Variants in COMMD1 observed in about 807,000 individuals in gnomAD.
The protein encoded by COMMD1 is copper metabolism domain containing 1, also known as COMM domain-containing protein 1.
Under a neutral mutation model 17.2 loss-of-function variants are expected in COMMD1, and 10 were observed. The ratio of observed to expected loss-of-function variants is 0.58; its 90% confidence interval spans 0.36 to 0.99. The LOEUF (loss-of-function observed/expected upper bound fraction) is 0.99, where lower values mean the gene tolerates loss of function less well. Among genes scored for constraint, COMMD1 ranks in the 50% least tolerant of loss-of-function variants. The pLI, the probability that COMMD1 is intolerant of heterozygous loss-of-function variation, is 0.01. For synonymous variants in COMMD1, 97 were observed against 91.6 expected, an observed-to-expected ratio of 1.06 and a Z score of -0.34; for missense variants, 270 against 231.8, an observed-to-expected ratio of 1.17 and a Z score of -1.07.
intron 2 of COMMD1, among the ~76,000 whole-genome samples, chr2:62,097,081 G>C (rs1344659091): frequency 8.5e-5 from 13 of 152,206 alleles, no homozygotes. Context: ...CAGTAACAGA[G>C]AAGTGGCTGG....
intron 1 of COMMD1, among the ~76,000 whole-genome samples, chr2:61,974,490 T>G (rs1671738365): frequency 6.6e-6 from 1 of 151,802 alleles, no homozygotes; most frequent in African/African-American, 2.4e-5. Context: ...TAGGCAAAGA[T>G]GGTGAAACCC....
At chr2:61,947,617 A>T (rs1670941639) in intron 1 of COMMD1, among the ~76,000 whole-genome samples, 1 of 152,030 alleles carries the variant, frequency 6.6e-6, no homozygotes, top group Non-Finnish European at 1.5e-5. Context: ...CAAGAGGCAG[A>T]GGTTGCAATG....
intron 1 of COMMD1, among the ~76,000 whole-genome samples, chr2:61,952,834 T>G (rs574081123): frequency 1.3e-5 from 2 of 152,202 alleles, no homozygotes; most frequent in South Asian, 4.1e-4. Flanking sequence ...TCAGTTTTCT[T>G]AGGTAAATAC....
chr2:62,031,548 G>T (rs1669907609), intron 2 of COMMD1, among the ~76,000 whole-genome samples: 2 of 152,290 alleles, frequency 1.3e-5, no homozygotes, highest in Admixed American at 1.3e-4. Context: ...AATTAAAATG[G>T]ATTAACTCAT....
intron 2 of COMMD1, among the ~76,000 whole-genome samples, chr2:62,095,392 T>C (rs1172485080): frequency 3.9e-5 from 6 of 152,158 alleles, no homozygotes; most frequent in Admixed American, 6.6e-5. Flanking sequence ...ATTAATAACC[T>C]GAGAAGTCAA....
chr2:62,048,284 G>A (rs1012249556), intron 2 of COMMD1, among the ~76,000 whole-genome samples: 20 of 149,462 alleles, frequency 1.3e-4, no homozygotes, highest in Non-Finnish European at 2.1e-4. Context: ...CTGGGTTCAC[G>A]CCATTCTCCT....
intron 1 of COMMD1, among the ~76,000 whole-genome samples, chr2:61,966,178 T>TC (rs761978006): frequency 6.6e-6 from 1 of 152,176 alleles, no homozygotes; most frequent in Non-Finnish European, 1.5e-5. Context: ...CTCTTTTTTT[T>TC]CCCATTTCCA....
intron 2 of COMMD1, among the ~76,000 whole-genome samples, chr2:62,104,642 AAAAAAAAAAAAAC>A (rs1445471793): frequency 6.6e-6 from 1 of 151,364 alleles, no homozygotes; most frequent in Admixed American, 6.6e-5. Flanking sequence ...TCAAAAAAAA[AAAAAAAAAAAAAC>A]AATAACAACA....
chr2:61,962,593 A>G (rs976893717), intron 1 of COMMD1, among the ~76,000 whole-genome samples: 3 of 152,198 alleles, frequency 2.0e-5, no homozygotes, highest in Admixed American at 6.5e-5. Context: ...CAGTTATTCA[A>G]TCATTCATAC....
At chr2:61,954,294 G>A (rs557766759) in intron 1 of COMMD1, among the ~76,000 whole-genome samples, 96 of 152,182 alleles carry the variant, frequency 6.3e-4, no homozygotes, top group African/African-American at 2.2e-3. Flanking sequence ...TCTGAAATAA[G>A]TTTTTGCTTA....
intron 2 of COMMD1, among the ~76,000 whole-genome samples, chr2:62,027,924 A>G (rs1669809900): frequency 6.6e-6 from 1 of 152,180 alleles, no homozygotes; most frequent in African/African-American, 2.4e-5. Context: ...AAGTGCTGGA[A>G]TTACAGCCAT....
rs575182059 is a variant in COMMD1 at position 61,969,493 on chromosome 2, C to T, written c.181-31208C>T. On this transcript the variant is annotated intron_variant, in intron 1 of 2. Transcript: ENST00000311832. ...ATTTTATAAGCTCCACTAAAGAACA[C>T]ATCTACACATTATGACATAGCACGT... Among the ~76,000 whole-genome samples, 68 of 151,572 alleles carry T rather than the reference C, an allele frequency of 4.5e-4. 1 individual carries two copies. Among genetic ancestry groups the T allele is most frequent in the Non-Finnish European group, 8.4e-4 (57 of 67,860 alleles).
intron 1 of COMMD1, among the ~76,000 whole-genome samples, chr2:61,964,572 C>T (rs545654638): frequency 1.4e-4 from 21 of 150,972 alleles, no homozygotes; most frequent in African/African-American, 4.9e-4. Context: ...TGGTGGCTAA[C>T]GCCTGTAATC....
At chr2:62,115,386 T>C (rs752894699) in intron 2 of COMMD1, among the ~76,000 whole-genome samples, 8 of 152,236 alleles carry the variant, frequency 5.3e-5, no homozygotes, top group Non-Finnish European at 1.0e-4. Flanking sequence ...CCTGTTTGGC[T>C]GGAATATCAG....
chr2:61,914,716 A>C (rs1046905754), intron 1 of COMMD1, among the ~76,000 whole-genome samples: 15 of 151,868 alleles, frequency 9.9e-5, no homozygotes, highest in Non-Finnish European at 2.1e-4. Context: ...TTTGAAACAG[A>C]GTCTCACTCT....
chr2:62,006,768 C>G (rs939532299), intron 2 of COMMD1, among the ~76,000 whole-genome samples: 1 of 152,130 alleles, frequency 6.6e-6, no homozygotes, highest in African/African-American at 2.4e-5. Flanking sequence ...TATATTTATT[C>G]ACCTAACACC....
In COMMD1 at chr2:61,944,627, C is replaced by T. The variant is rs557194181; in HGVS notation, c.180+38769C>T. Among the ~76,000 whole-genome samples the T allele has an allele frequency of 1.1e-4, 16 of 152,186 alleles. No individual in the cohort carries two copies. In the South Asian group the frequency reaches 3.3e-3, roughly 32 times the overall value. ...CATCTGCCATTACACATGCCAAGGC[C>T]AAATCCTCTCATGGTACAAGGTAAT... On this transcript the variant is annotated intron_variant, in intron 1 of 2. Transcript: ENST00000311832.
At chr2:61,975,118 C>CTTTTTTTTTTTTTTTTTTTT in intron 1 of COMMD1, among the ~76,000 whole-genome samples, 24 of 80,168 alleles carry the variant, frequency 3.0e-4, no homozygotes, top group East Asian at 7.5e-4. Context: ...TCATTTCTTT[C>CTTTTTTTTTTTTTTTTTTTT]TTTTTTTTTT....
At chr2:62,027,640 TGTTA>T (rs1669794898) in intron 2 of COMMD1, among the ~76,000 whole-genome samples, 1 of 147,926 alleles carries the variant, frequency 6.8e-6, no homozygotes, top group Non-Finnish European at 1.5e-5. Flanking sequence ...TGTTATGTTA[TGTTA>T]TGTTATGTTA....
Sources: allele counts gnomAD v4.1 joint callset (sites outside exome capture counted in the v4.1 genomes callset), GRCh38; gene constraint gnomAD v4.1.1; transcripts MANE v1.5; gene names NCBI Gene and HGNC (gene_info 2026-07-23, HGNC 2026-07-21).